Variants in ZNF195 observed in about 807,000 individuals in gnomAD.
The protein encoded by ZNF195 is zinc finger protein 195, also known as hypoxia-regulated factor-1.
In ZNF195, 11 loss-of-function variants were observed where a neutral mutation model predicts 19.5. The observed-to-expected ratio is 0.57, with a 90% CI of 0.36 to 0.94. ZNF195 has a LOEUF of 0.94. Among genes scored for constraint, ZNF195 ranks in the 40% least tolerant of loss-of-function variants. ZNF195 has a pLI of 0.01. For synonymous variants in ZNF195, 214 were observed against 248.1 expected (o/e 0.86, Z 1.29); for missense variants, 582 against 709.0 (o/e 0.82, Z 2.03).
At chr11:3,364,007 GGTT>G (rs1287683845) in intron 3 of ZNF195, among the ~76,000 whole-genome samples, 1 of 152,162 alleles carries the variant, frequency 6.6e-6, no homozygotes, top group Non-Finnish European at 1.5e-5. Flanking sequence ...AAGAAAAAAA[GGTT>G]GTTAACTTTC....
At position 3,359,918 on chromosome 11, in the gene ZNF195, T is replaced by C. The variant is rs757625167; in HGVS notation, c.1090A>G (p.Ile364Val). Residue 364 changes from isoleucine (I) to valine (V), a missense_variant, in exon 6 of 6, where the codon ATC (isoleucine) becomes GTC (valine). This residue lies in a region of ZNF195 where 407 missense variants were observed against 530.5 expected (regional missense o/e 0.77). Coordinates refer to ENST00000399602, the MANE Select transcript of ZNF195 (RefSeq NM_001130520.3). The surrounding 1 kb of genome is among the most constrained non-coding windows in gnomAD (Gnocchi z 5.5). ...TGATTAGAAAGGCTTGAGCAAGAGA[T>C]AAAGACACTGCTGCACTCTTCATAT... ...CKYEECSSVF[I>V]SCSSLSNQQM... 1.9e-6 allele frequency: 3 copies of C among 1,614,230 alleles called. No individual in the cohort carries two copies. Among genetic ancestry groups the C allele is most frequent in the East Asian group, 4.5e-5 (2 of 44,892 alleles).
intron 1 of ZNF195, chr11:3,377,755 G>C (rs1248049385): frequency 1.7e-5 from 18 of 1,046,132 alleles, no homozygotes; most frequent in Non-Finnish European, 2.0e-5. Flanking sequence ...TGCTCCAGCA[G>C]ACATGGCCAT....
intron 1 of ZNF195, chr11:3,378,026 C>T: frequency 1.2e-6 from 1 of 829,912 alleles, no homozygotes; most frequent in Non-Finnish European, 1.5e-6. Flanking sequence ...AAGTGCCGTC[C>T]AGGCTGGGCG....
In ZNF195 at chr11:3,358,759, C is replaced by T. The variant is rs977488405; in HGVS notation, c.*359G>A. On this transcript the variant is annotated 3_prime_UTR_variant, in exon 6 of 6. Coordinates refer to ENST00000399602, the MANE Select transcript of ZNF195 (RefSeq NM_001130520.3). The stretch of plus-strand genomic sequence containing the variant: ...ACAGGGATTCAGTGTCATTTCTGAA[C>T]GTGTCCTTGCTTATTTTTCCCATTT... 5 of 3,058 alleles carry T rather than the reference C, an allele frequency of 1.6e-3. No individual in the cohort carries two copies. The highest frequency in any genetic ancestry group is 7.2e-3 in the Admixed American group (2 of 278). The allele number at this position is 3,058 out of a possible 1,614,324, so 0.2% of individuals were successfully genotyped here. A position where few individuals can be genotyped will look rare whatever the true frequency, so the allele number is the denominator to read the frequency against.
intron 3 of ZNF195, chr11:3,362,622 A>G: frequency 1.8e-6 from 1 of 561,192 alleles, no homozygotes; most frequent in South Asian, 2.3e-5. Flanking sequence ...ACACAAAAGA[A>G]AATTTAAAAA....
rs1017597023 is a variant in ZNF195, at chr11:3,358,976, C to T, written c.*142G>A. The T allele has an allele frequency of 1.1e-5, 12 of 1,096,660 alleles. No homozygotes were observed. Among genetic ancestry groups the T allele is most frequent in the Admixed American group, 3.5e-5 (1 of 28,290 alleles). 67.9% of individuals were successfully genotyped at this position (1,096,660 alleles called of 1,614,324 possible). ...TTTTCAGAAGAAATACTCTTGTGTG[C>T]TCTGGAGACTTATATTTCATGAAAG... On this transcript the variant is annotated 3_prime_UTR_variant, in exon 6 of 6. Transcript: ENST00000399602.
intron 1 of ZNF195, chr11:3,373,600 C>G (rs1480848999): frequency 6.4e-7 from 1 of 1,550,770 alleles, no homozygotes; most frequent in Admixed American, 2.0e-5. Flanking sequence ...ATTTCTTTCT[C>G]TTTCTCCTGC....
chr11:3,358,770 T>A lies in ZNF195; in HGVS notation c.*348A>T. 1.3e-5 allele frequency: 1 copy of A among 76,852 alleles called. No homozygotes were observed. Among genetic ancestry groups the A allele is most frequent in the Non-Finnish European group, 2.2e-5 (1 of 45,770 alleles). The allele number at this position is 76,852 out of a possible 1,614,324, so 4.8% of individuals were successfully genotyped here. A position where few individuals can be genotyped will look rare whatever the true frequency, so the allele number is the denominator to read the frequency against. ...GTGTCATTTCTGAACGTGTCCTTGCTTATTTTTCCCATTTAGTGTATTTGC... is the reference window on the plus strand; with the variant it reads ...GTGTCATTTCTGAACGTGTCCTTGCATATTTTTCCCATTTAGTGTATTTGC... On this transcript the variant is annotated 3_prime_UTR_variant, in exon 6 of 6. Coordinates refer to ENST00000399602, the MANE Select transcript of ZNF195 (RefSeq NM_001130520.3).
chr11:3,369,055 C>T lies in ZNF195; in HGVS notation c.226+1920G>A, dbSNP rs142930949. 4.0e-4 allele frequency among the ~76,000 whole-genome samples: 61 copies of T among 152,194 alleles called. No homozygotes were observed. The East Asian group carries it at 0.011, about 27-fold the overall frequency. ...GTACAGCAACAAAAGTAAATATAAA[C>T]AAAATGGAGTACATTAAGCTAAAAA... On this transcript the variant is annotated intron_variant, in intron 3 of 5. Coordinates refer to ENST00000399602, the MANE Select transcript of ZNF195 (RefSeq NM_001130520.3).
At position 3,360,732 on chromosome 11, in the gene ZNF195, T is replaced by C; in HGVS notation, c.430A>G (p.Ile144Val). ...AATGTAACAATACCTAGTGAGAAGATGCATCTGAACTCTAAAAACCATTTC... is the reference window on the plus strand; with the variant it reads ...AATGTAACAATACCTAGTGAGAAGACGCATCTGAACTCTAAAAACCATTTC... ...TVKWFLEFRC[I>V]FSLAMSSHFT... is the part of the protein sequence containing the mutation. Residue 144 changes from isoleucine (I) to valine (V), a missense_variant, in exon 5 of 6, where the codon ATC becomes GTC. By Grantham distance (29) the Ile-to-Val change is conservative. Coordinates refer to ENST00000399602, the MANE Select transcript of ZNF195 (RefSeq NM_001130520.3). 1.9e-6 allele frequency: 3 copies of C among 1,551,604 alleles called. 1 individual carries two copies. The South Asian group carries it at 3.6e-5, about 18-fold the overall frequency.
At chr11:3,370,138 TC>T (rs1214227130) in intron 3 of ZNF195, among the ~76,000 whole-genome samples, 1 of 151,920 alleles carries the variant, frequency 6.6e-6, no homozygotes, top group Non-Finnish European at 1.5e-5. Context: ...AAGAATGAAA[TC>T]CTATCATTTC....
At position 3,367,630 on chromosome 11, in the gene ZNF195, A is replaced by G. The variant is rs139498890; in HGVS notation, c.226+3345T>C. ...AAAATGCTGCCATCCAACTTTTAGA[A>G]GCAAGGAATAGCCTTATATTTCTAA... is the stretch of plus-strand genomic sequence containing the variant. On this transcript the variant is annotated intron_variant, in intron 3 of 5. Coordinates refer to ENST00000399602, the MANE Select transcript of ZNF195 (RefSeq NM_001130520.3). 4.8e-3 allele frequency among the ~76,000 whole-genome samples: 737 copies of G among 152,266 alleles called. 17 individuals carry two copies. Among genetic ancestry groups the G allele is most frequent in the African/African-American group, 0.017 (697 of 41,482 alleles).
chr11:3,365,724 C>T (rs901453327), intron 3 of ZNF195, among the ~76,000 whole-genome samples: 1 of 151,934 alleles, frequency 6.6e-6, no homozygotes, highest in Non-Finnish European at 1.5e-5. Flanking sequence ...TAAAGAGCTA[C>T]GAAAATAAAA....
chr11:3,371,712 G>C lies in ZNF195; in HGVS notation c.4-9C>G. 1.3e-6 allele frequency: 2 copies of C among 1,588,650 alleles called. No homozygotes were observed. The highest frequency in any genetic ancestry group is 1.7e-6 in the Non-Finnish European group (2 of 1,167,014). Reference sequence around the variant, plus strand: ...CTGAACGTCAACAGAGTCTGAAGAAGAAACAACAACAATAACAAATACTTG... The same window carrying C: ...CTGAACGTCAACAGAGTCTGAAGAACAAACAACAACAATAACAAATACTTG... On this transcript the variant is annotated splice_polypyrimidine_tract_variant and intron_variant, in intron 1 of 5. Coordinates refer to ENST00000399602, the MANE Select transcript of ZNF195 (RefSeq NM_001130520.3).
chr11:3,378,982 C>T, intron 1 of ZNF195, 56 bp downstream of exon 1: 1 of 1,374,800 alleles, frequency 7.3e-7, no homozygotes, highest in Non-Finnish European at 9.5e-7. Context: ...GAGCCGGTAC[C>T]GCGGGTTCCA....
Position 3,358,535 on chromosome 11 carries a change from C to G in ZNF195, c.*583G>C, listed in dbSNP as rs1848483619. On this transcript the variant is annotated 3_prime_UTR_variant, in exon 6 of 6. Transcript: ENST00000399602. ...CTGACCATGTGTTTTCACATCAGCA[C>G]TAGAAATGAAGACACAGCATCTACT... The G allele has an allele frequency of 6.6e-6, 1 of 152,178 alleles. No individual in the cohort carries two copies. Among genetic ancestry groups the G allele is most frequent in the Admixed American group, 6.5e-5 (1 of 15,276 alleles). The allele number at this position is 152,178 out of a possible 1,614,324, so 9.4% of individuals were successfully genotyped here. A position where few individuals can be genotyped will look rare whatever the true frequency, so the allele number is the denominator to read the frequency against.
chr11:3,375,858 G>A (rs2133741320), intron 1 of ZNF195, among the ~76,000 whole-genome samples: 1 of 152,246 alleles, frequency 6.6e-6, no homozygotes, highest in African/African-American at 2.4e-5. Context: ...CGTTTTGTCA[G>A]CCTGAGCCCC....
intron 1 of ZNF195, among the ~76,000 whole-genome samples, chr11:3,374,220 C>T (rs1381414755): frequency 1.3e-5 from 2 of 152,152 alleles, no homozygotes; most frequent in Non-Finnish European, 2.9e-5. Flanking sequence ...TAATTTTGGC[C>T]CCACTCTAAG....
intron 1 of ZNF195, 130 bp from the exon 2 acceptor site, chr11:3,371,833 T>C (rs1215403788): frequency 2.7e-6 from 3 of 1,098,916 alleles, no homozygotes; most frequent in Non-Finnish European, 3.8e-6. Flanking sequence ...AAGAATACTC[T>C]CTAACTCTGA....
Sources: gnomAD v4.1 joint callset for allele counts (sites outside exome capture counted in the v4.1 genomes callset) on GRCh38, gnomAD v4.1.1 for gene constraint, gnomAD v4.1.1 regional missense constraint, Gnocchi (gnomAD v3.1) non-coding constraint, MANE v1.5 for transcripts, NCBI Gene and HGNC (gene_info 2026-07-23, HGNC 2026-07-21) for gene names.